ABTB3: variants seen among roughly 807,000 people sequenced by gnomAD.
ABTB3 encodes ankyrin repeat- and BTB/POZ domain-containing protein 3.
the ABTB3 span, among the ~76,000 whole-genome samples, chr12:107,422,398 A>G: frequency 6.6e-6 from 1 of 152,176 alleles, no homozygotes; most frequent in Non-Finnish European, 1.5e-5. Context: ...GATTTTATCC[A>G]AAATGGAATG....
chr12:107,384,955 C>T, the ABTB3 span, among the ~76,000 whole-genome samples: 85 of 152,308 alleles, frequency 5.6e-4, no homozygotes, highest in Non-Finnish European at 8.4e-4. Context: ...TTCTCAGCCC[C>T]GTCACACCAT....
At chr12:107,520,150 G>GACC in the ABTB3 span, 1 of 883,264 alleles carries the variant, frequency 1.1e-6, no homozygotes, top group Non-Finnish European at 1.4e-6. Flanking sequence ...GGAGTGACCT[G>GACC]ACCACCAGAG....
At chr12:107,498,357 G>T in the ABTB3 span, among the ~76,000 whole-genome samples, 2 of 152,082 alleles carry the variant, frequency 1.3e-5, no homozygotes, top group Non-Finnish European at 2.9e-5. Context: ...ACACCATCAG[G>T]CCCCCCAGCA....
the ABTB3 span, among the ~76,000 whole-genome samples, chr12:107,357,525 T>A: frequency 6.6e-6 from 1 of 152,154 alleles, no homozygotes; most frequent in Non-Finnish European, 1.5e-5. Flanking sequence ...GTGGGAGGAT[T>A]GCTTGAGCTT....
At chr12:107,392,366 C>A in the ABTB3 span, among the ~76,000 whole-genome samples, 2 of 152,120 alleles carry the variant, frequency 1.3e-5, no homozygotes, top group South Asian at 4.1e-4. Context: ...TGACCCAGGC[C>A]CCTTAGAAGG....
chr12:107,529,346 G>A, the ABTB3 span, among the ~76,000 whole-genome samples: 1 of 151,338 alleles, frequency 6.6e-6, no homozygotes, highest in South Asian at 2.1e-4. Flanking sequence ...TGATGGAGAT[G>A]ATGGTGATGA....
the ABTB3 span, among the ~76,000 whole-genome samples, chr12:107,530,253 T>G: frequency 6.6e-6 from 1 of 152,200 alleles, no homozygotes; most frequent in African/African-American, 2.4e-5. Context: ...GAGTAGGGGC[T>G]CCAAATGATT....
At chr12:107,328,693 G>A in the ABTB3 span, among the ~76,000 whole-genome samples, 1 of 152,206 alleles carries the variant, frequency 6.6e-6, no homozygotes, top group African/African-American at 2.4e-5. Context: ...GCTCAGAAAA[G>A]TTCAGCAACT....
the ABTB3 span, among the ~76,000 whole-genome samples, chr12:107,454,002 G>T: frequency 6.6e-6 from 1 of 152,174 alleles, no homozygotes; most frequent in East Asian, 1.9e-4. Flanking sequence ...GGAGAGAACT[G>T]GTTTAAGGGG....
the ABTB3 span, among the ~76,000 whole-genome samples, chr12:107,447,481 C>T: frequency 6.6e-6 from 1 of 152,126 alleles, no homozygotes; most frequent in Admixed American, 6.5e-5. Flanking sequence ...TCCAGCCCTG[C>T]CTGGTTTTTC....
chr12:107,500,799 G>A, the ABTB3 span, among the ~76,000 whole-genome samples: 7 of 152,132 alleles, frequency 4.6e-5, no homozygotes, highest in Admixed American at 1.3e-4. Flanking sequence ...TTTGTCACCC[G>A]GAAGACTGCA....
chr12:107,390,547 G>C, the ABTB3 span, among the ~76,000 whole-genome samples: 1 of 152,216 alleles, frequency 6.6e-6, no homozygotes, highest in Non-Finnish European at 1.5e-5. Context: ...CAGGTTCTAG[G>C]AAGAGGTAGG....
At chr12:107,553,728 C>T in the ABTB3 span, among the ~76,000 whole-genome samples, 1 of 152,180 alleles carries the variant, frequency 6.6e-6, no homozygotes, top group South Asian at 2.1e-4. Flanking sequence ...CACTTGAGGG[C>T]AGGAATTCAA....
At chr12:107,532,461 C>T in the ABTB3 span, among the ~76,000 whole-genome samples, 3 of 152,320 alleles carry the variant, frequency 2.0e-5, no homozygotes, top group Non-Finnish European at 4.4e-5. Flanking sequence ...CATACAAAGG[C>T]TACACTGCTG....
At chr12:107,520,351 G>C in the ABTB3 span, 2 of 1,469,014 alleles carry the variant, frequency 1.4e-6, no homozygotes, top group Non-Finnish European at 1.8e-6. Flanking sequence ...CAGAGCGTTG[G>C]TTCCTACATT....
the ABTB3 span, among the ~76,000 whole-genome samples, chr12:107,388,755 T>A: frequency 1.3e-5 from 2 of 152,224 alleles, no homozygotes; most frequent in Non-Finnish European, 2.9e-5. Flanking sequence ...TATTCTGAAT[T>A]GACCTAGGGC....
chr12:107,397,162 G>C, the ABTB3 span, among the ~76,000 whole-genome samples: 4 of 152,252 alleles, frequency 2.6e-5, no homozygotes, highest in African/African-American at 9.6e-5. Context: ...CACAGGGCGT[G>C]AACGTTTGCA....
At chr12:107,615,970 A>G in the ABTB3 span, among the ~76,000 whole-genome samples, 1 of 152,078 alleles carries the variant, frequency 6.6e-6, no homozygotes, top group African/African-American at 2.4e-5. Flanking sequence ...CAGAGCAGGG[A>G]CAGCTCTGCA....
the ABTB3 span, among the ~76,000 whole-genome samples, chr12:107,431,429 T>C: frequency 1.3e-5 from 2 of 152,018 alleles, no homozygotes; most frequent in African/African-American, 4.8e-5. Flanking sequence ...GCCAACATGG[T>C]GAAACCCTGT....
Sources: gnomAD v4.1 joint callset for allele counts (sites outside exome capture counted in the v4.1 genomes callset) on GRCh38, gnomAD v4.1.1 for gene constraint, MANE v1.5 for transcripts, NCBI Gene and HGNC (gene_info 2026-07-23, HGNC 2026-07-21) for gene names.